Variants in FAM186A observed in about 807,000 individuals in gnomAD.
FAM186A encodes family with sequence similarity 186 member A, also known as protein FAM186A.
In FAM186A, 163 loss-of-function variants were observed where a neutral mutation model predicts 216.8. The ratio of observed to expected loss-of-function variants is 0.75; its 90% CI spans 0.66 to 0.86. The LOEUF (loss-of-function observed/expected upper bound fraction) is 0.86, where lower values mean the gene tolerates loss of function less well. Ranked by LOEUF, FAM186A falls within the 40% of genes least tolerant of loss-of-function variation. The pLI is 0.00. For synonymous variants in FAM186A, 805 were observed against 1,025.3 expected (o/e 0.79, Z 4.10); for missense variants, 2,184 against 2,746.2 (o/e 0.80, Z 4.58).
chr12:50,385,263 C>T, intron 1 of FAM186A, among the ~76,000 whole-genome samples: 1 of 149,856 alleles, frequency 6.7e-6, no homozygotes, highest in Non-Finnish European at 1.5e-5. Context: ...ACTAAATATA[C>T]AAAAATTAGC....
At chr12:50,370,123 CAAAAA>C (rs56403101) in intron 1 of FAM186A, among the ~76,000 whole-genome samples, 49 of 38,442 alleles carry the variant, frequency 1.3e-3, no homozygotes, top group African/African-American at 5.8e-3. Flanking sequence ...GACTCCATCT[CAAAAA>C]AAAAAAAAAA....
chr12:50,378,785 T>C (rs1419454357), intron 1 of FAM186A, among the ~76,000 whole-genome samples: 4 of 151,972 alleles, frequency 2.6e-5, no homozygotes, highest in African/African-American at 7.2e-5. Flanking sequence ...GAAGAAAATG[T>C]GTCAGTGCTT....
At chr12:50,377,045 A>C (rs1351899743) in intron 1 of FAM186A, among the ~76,000 whole-genome samples, 1 of 152,128 alleles carries the variant, frequency 6.6e-6, no homozygotes, top group Admixed American at 6.6e-5. Flanking sequence ...CACTGCACCC[A>C]GCAGAACTGT....
chr12:50,350,088 C>T (rs1317949825), intron 4 of FAM186A, among the ~76,000 whole-genome samples: 1 of 152,154 alleles, frequency 6.6e-6, no homozygotes, highest in East Asian at 1.9e-4. Flanking sequence ...ACAAAATATA[C>T]TTGGCATCTC....
chr12:50,376,438 AG>A (rs948969987), intron 1 of FAM186A, among the ~76,000 whole-genome samples: 1 of 152,132 alleles, frequency 6.6e-6, no homozygotes, highest in African/African-American at 2.4e-5. Context: ...AGGGTAGAGG[AG>A]ACTTGAAGTG....
chr12:50,355,073 C>A lies in FAM186A; in HGVS notation c.1759G>T (p.Glu587Ter). Reference protein sequence around the residue: ...EGKGEIRSLVEPLSMIQFDDT... With the variant: ...EGKGEIRSLV ...TCAAATTGGATCATACTGAGTGGCT[C>A]CACTAGGCTTCTAATTTCACCTTTG... The change falls in exon 4 of 8, where the codon GAG (glutamate) becomes TAG (stop). Residue 587 changes from glutamate to a stop codon, truncating the protein, a stop_gained. Transcript: ENST00000327337. LOFTEE classifies it high-confidence loss of function. The A allele has an allele frequency of 4.5e-6, 7 of 1,551,664 alleles. No homozygotes were observed. The highest frequency in any genetic ancestry group is 5.2e-6 in the Non-Finnish European group (6 of 1,146,986).
In FAM186A at chr12:50,351,210, C is replaced by T. The variant is rs542872923; in HGVS notation, c.5622G>A (p.Leu1874=). The change falls in exon 4 of 8, where the codon CTG becomes CTA. Residue 1874 remains leucine, a synonymous_variant. Transcript: ENST00000327337. ...CAGAGAAGGTTAAGGGTCCAGATTC[C>T]AGGAGGTCCCCAGGGATGGAAGAGG... The part of the protein sequence containing the change: ...PEASSIPGDL[L]ESGPLTFSEQ... The T allele has an allele frequency of 1.9e-6, 3 of 1,551,544 alleles. No individual in the cohort carries two copies. The East Asian group carries it at 7.3e-5, about 38-fold the overall frequency.
In FAM186A at chr12:50,396,455, G is replaced by T. The variant is rs1943415299; in HGVS notation, c.30C>A (p.Asp10Glu). 1.3e-6 allele frequency: 2 copies of T among 1,538,818 alleles called. No homozygotes were observed. The highest frequency in any genetic ancestry group is 2.8e-5 in the African/African-American group (2 of 72,304). Residue 10 changes from aspartate (D) to glutamate (E), a missense_variant, in exon 1 of 8, where the codon GAC becomes GAA. By Grantham distance (45) the Asp-to-Glu change is conservative. Around this residue, in one of 7 missense-constraint regions of FAM186A, gnomAD observed 1,132 missense variants for 1,263.4 expected, o/e 0.90. Coordinates refer to ENST00000327337, the MANE Select transcript of FAM186A (RefSeq NM_001145475.3). ...TGCATTTTTCTGATTCAGGGTCATTGTCTATCTCATTTTTCATTTTGAAGA... is the reference window on the plus strand; with the variant it reads ...TGCATTTTTCTGATTCAGGGTCATTTTCTATCTCATTTTTCATTTTGAAGA... MFFKMKNEIDNDPESEKCIK... is the reference protein window; with the variant it reads MFFKMKNEIENDPESEKCIK...
intron 1 of FAM186A, among the ~76,000 whole-genome samples, chr12:50,365,123 G>A (rs1027063395): frequency 3.3e-5 from 5 of 149,958 alleles, no homozygotes; most frequent in African/African-American, 1.2e-4. Flanking sequence ...CAAATACTAC[G>A]TAAATCAATA....
At chr12:50,360,721 T>C (rs554222451) in intron 3 of FAM186A, 35 bp downstream of exon 3, 2 of 1,469,658 alleles carry the variant, frequency 1.4e-6, no homozygotes, top group Middle Eastern at 1.9e-4. Context: ...TCAAACTCCA[T>C]CTACTCCAAC....
At chr12:50,361,475 AG>A (rs1943034807) in intron 2 of FAM186A, among the ~76,000 whole-genome samples, 1 of 148,014 alleles carries the variant, frequency 6.8e-6, no homozygotes, top group South Asian at 2.2e-4. Context: ...CTGGGATTAC[AG>A]GCATGAGCCA....
chr12:50,356,283 T>A, intron 3 of FAM186A, 35 bp from the exon 4 acceptor site: 3 of 1,476,526 alleles, frequency 2.0e-6, no homozygotes, highest in South Asian at 2.8e-5. Flanking sequence ...GAGATGGCAT[T>A]TTTTTCTTTT....
chr12:50,353,393 G>C lies in FAM186A; in HGVS notation c.3439C>G (p.Leu1147Val). Reference protein sequence around the residue: ...PQQTQVQGITLTPQQDQAPGI... With the variant: ...PQQTQVQGITVTPQQDQAPGI... ...GGGGCCTGGTCCTGCTGAGGGGTGA[G>C]AGTGATCCCTTGAACCTGGGTCTGC... Residue 1147 changes from leucine (L) to valine (V), a missense_variant, in exon 4 of 8, where the codon CTC becomes GTC. This residue lies in a region of FAM186A where 267 missense variants were observed against 446.2 expected (regional missense o/e 0.60). Coordinates refer to ENST00000327337, the MANE Select transcript of FAM186A (RefSeq NM_001145475.3). The C allele has an allele frequency of 2.0e-6, 3 of 1,533,934 alleles. No individual in the cohort carries two copies. The highest frequency in any genetic ancestry group is 2.6e-6 in the Non-Finnish European group (3 of 1,138,840).
intron 4 of FAM186A, among the ~76,000 whole-genome samples, chr12:50,348,139 G>A (rs1942839719): frequency 6.9e-6 from 1 of 144,248 alleles, no homozygotes; most frequent in African/African-American, 2.5e-5. Context: ...CCACCTCCCG[G>A]GTTCAAACGA....
chr12:50,340,140 T>C (rs61422444), intron 4 of FAM186A, among the ~76,000 whole-genome samples: 11,079 of 152,132 alleles, frequency 0.073, 854 homozygotes, highest in East Asian at 0.34. Flanking sequence ...GCCCTGCCTG[T>C]CTTACTGACT....
Position 50,363,197 on chromosome 12 carries a change from A to G in FAM186A, c.360T>C (p.Ile120=), listed in dbSNP as rs1424546964. ...TGGCAAGAGTCTTTTCTCTTATTTC[A>G]ATAGTCTTAGCGTAAGTAGCCATTT... ...LEKMATYAKT[I]EIREKTLANI... is the part of the protein sequence containing the mutation. Residue 120 remains isoleucine (I), a synonymous_variant, in exon 2 of 8, where the codon ATT becomes ATC. Transcript: ENST00000327337. 3 of 1,551,328 alleles carry G rather than the reference A, an allele frequency of 1.9e-6. No homozygotes were observed. In the Admixed American group the frequency reaches 5.9e-5, roughly 30 times the overall value.
rs71083561 is a variant in FAM186A, at chr12:50,394,732, CT to C, written c.192+1560del. Among the ~76,000 whole-genome samples the C allele has an allele frequency of 8.6e-3, 253 of 29,386 alleles. 3 individuals carry two copies. Among genetic ancestry groups the C allele is most frequent in the South Asian group, 0.02 (9 of 452 alleles). 19.3% of individuals were successfully genotyped at this position (29,386 alleles called of 152,430 possible). On this transcript the variant is annotated intron_variant, in intron 1 of 7. Coordinates refer to ENST00000327337, the MANE Select transcript of FAM186A (RefSeq NM_001145475.3). ...TGAGCCACTGTGCCTGGCTAACACT[CT>C]TTTTTTTTTTTTTTTTTTTTTTTTT...
chr12:50,369,027 T>A (rs897932691), intron 1 of FAM186A, among the ~76,000 whole-genome samples: 3 of 148,258 alleles, frequency 2.0e-5, no homozygotes, highest in Admixed American at 1.3e-4. Flanking sequence ...CATGAAAGAA[T>A]GAAGTTGGAT....
chr12:50,333,767 T>C, intron 5 of FAM186A, 144 bp downstream of exon 5: 1 of 808,998 alleles, frequency 1.2e-6, no homozygotes, highest in Non-Finnish European at 1.9e-6. Flanking sequence ...TTCTGTTGTT[T>C]TAAGCTATGA....
Sources: allele counts gnomAD v4.1 joint callset (sites outside exome capture counted in the v4.1 genomes callset), GRCh38; gene constraint gnomAD v4.1.1; regional missense constraint gnomAD v4.1.1; transcripts MANE v1.5; gene names NCBI Gene and HGNC (gene_info 2026-07-23, HGNC 2026-07-21).